Variants in ATXN10 observed in about 807,000 individuals in gnomAD.
The protein encoded by ATXN10 is ataxin 10, also known as ataxin-10.
ATXN10 carries 28 observed loss-of-function variants against 52.9 expected under a neutral mutation model. That is an observed-to-expected ratio of 0.53 (90% CI 0.39 to 0.73). The LOEUF is 0.73. ATXN10 is among the 30% of genes least tolerant of loss of function. The probability of loss-of-function intolerance (pLI) is 0.00; values close to 1 mark genes in which losing one functional copy is unlikely to be tolerated. For missense variants in ATXN10, 565 were observed against 577.0 expected, an observed-to-expected ratio of 0.98 and a Z score of 0.21; for synonymous variants, 226 against 221.5, an observed-to-expected ratio of 1.02 and a Z score of -0.18.
In ATXN10 at chr22:45,672,031, C is replaced by G. The variant is rs1234095193; in HGVS notation, c.-33C>G. On this transcript the variant is annotated 5_prime_UTR_variant, in exon 1 of 12. Coordinates refer to ENST00000252934, the MANE Select transcript of ATXN10 (RefSeq NM_013236.4). The stretch of plus-strand genomic sequence containing the variant: ...CTTCGTCCTCCTCGCCTTCCTCCTC[C>G]TCGTCAGGCTCGACCCAGCTGTGAG... 3 of 1,530,956 alleles carry G rather than the reference C, an allele frequency of 2.0e-6. No individual in the cohort carries two copies. The South Asian group carries it at 3.6e-5, about 18-fold the overall frequency. 94.8% of individuals were successfully genotyped at this position (1,530,956 alleles called of 1,614,324 possible).
At chr22:45,721,995 G>A (rs148749185) in intron 6 of ATXN10, among the ~76,000 whole-genome samples, 6 of 152,294 alleles carry the variant, frequency 3.9e-5, no homozygotes, top group African/African-American at 9.6e-5. Context: ...TTAATCAGGG[G>A]AGAATTAGAA....
In ATXN10 at chr22:45,702,691, C is replaced by T; in HGVS notation, c.491C>T (p.Ser164Phe). The T allele has an allele frequency of 6.2e-7, 1 of 1,613,818 alleles. No homozygotes were observed. The change falls in exon 5 of 12, where the codon TCT (serine) becomes TTT (phenylalanine). Residue 164 changes from serine (S) to phenylalanine (F), a missense_variant and splice_region_variant. Physicochemically the swap from Ser to Phe is radical, Grantham distance 155 (BLOSUM62 -2). Transcript: ENST00000252934. ...AATCTCATTTCCTTGTTTGGAAGGT[C>T]TTGCTTAAATCATCCGGACAAAAAA... ...WVHAFPELFL[S>F]CLNHPDKKIV...
At chr22:45,680,406 AC>A (rs1238275064) in intron 1 of ATXN10, among the ~76,000 whole-genome samples, 1 of 152,140 alleles carries the variant, frequency 6.6e-6, no homozygotes, top group Non-Finnish European at 1.5e-5. Context: ...TCCCAAATTG[AC>A]CTGTGGATTC....
rs898136042 is a variant in ATXN10 at position 45,840,881 on chromosome 22, T to A, written c.1238-2110T>A. On this transcript the variant is annotated intron_variant, in intron 10 of 11. Coordinates refer to ENST00000252934, the MANE Select transcript of ATXN10 (RefSeq NM_013236.4). The surrounding 1 kb of genome is among the most constrained non-coding windows in gnomAD (Gnocchi z 5.8). ...GAGAGTTATACTCATGAACAAAAAT[T>A]CCCCAGTCTTACATTTCTTGCTCCT... Among the ~76,000 whole-genome samples the A allele has an allele frequency of 2.0e-5, 3 of 152,208 alleles. No individual in the cohort carries two copies. The highest frequency in any genetic ancestry group is 4.4e-5 in the Non-Finnish European group (3 of 68,032).
rs1175270680 is a variant in ATXN10 at position 45,835,258 on chromosome 22, C to T, written c.1238-7733C>T. Among the ~76,000 whole-genome samples, 2 of 152,162 alleles carry T rather than the reference C, an allele frequency of 1.3e-5. No homozygotes were observed. The highest frequency in any genetic ancestry group is 2.9e-5 in the Non-Finnish European group (2 of 68,036). On this transcript the variant is annotated intron_variant, in intron 10 of 11. Transcript: ENST00000252934. This position sits in a 1 kb window ranked among gnomAD's most constrained non-coding sequence, Gnocchi z 5.0. ...TTTGCCTGGCGTGGGCTCATGGGTC[C>T]TGCTTTGCCTGGCGCGGGCGCTTGA...
At chr22:45,813,920 A>G (rs967111735) in intron 10 of ATXN10, among the ~76,000 whole-genome samples, 1 of 152,228 alleles carries the variant, frequency 6.6e-6, no homozygotes, top group African/African-American at 2.4e-5. Flanking sequence ...AAACAGATTC[A>G]CCCACAGTCA....
chr22:45,697,832 G>A (rs1029048943), intron 3 of ATXN10, among the ~76,000 whole-genome samples: 5 of 151,740 alleles, frequency 3.3e-5, no homozygotes, highest in South Asian at 2.1e-4. Flanking sequence ...GGGTTTCACC[G>A]TGTTAGCCAG....
Position 45,795,100 on chromosome 22 carries a change from G to A in ATXN10, c.1174-11859G>A, listed in dbSNP as rs376786902. The stretch of plus-strand genomic sequence containing the variant: ...GTATGGTATTATTTGTAGATAGACT[G>A]CAACAAGGTAAAGATGTATACTCTA... On this transcript the variant is annotated intron_variant, in intron 9 of 11. Transcript: ENST00000252934. This position sits in a 1 kb window ranked among gnomAD's most constrained non-coding sequence, Gnocchi z 4.6. 7.2e-5 allele frequency among the ~76,000 whole-genome samples: 11 copies of A among 152,190 alleles called. No homozygotes were observed. The South Asian group carries it at 1.9e-3, about 26-fold the overall frequency.
intron 9 of ATXN10, among the ~76,000 whole-genome samples, chr22:45,753,377 C>CTTTTTTTTTTTTTTTTTTTTT (rs71190680): frequency 1.7e-5 from 1 of 57,814 alleles, no homozygotes; most frequent in Non-Finnish European, 3.2e-5. Context: ...CTCTTACCAG[C>CTTTTTTTTTTTTTTTTTTTTT]TTTTTTTTTT....
Position 45,843,858 on chromosome 22 carries a change from T to G in ATXN10, c.*187T>G, listed in dbSNP as rs1308793014. 1 of 632,924 alleles carries G rather than the reference T, an allele frequency of 1.6e-6. No homozygotes were observed. The highest frequency in any genetic ancestry group is 1.8e-5 in the African/African-American group (1 of 54,564). 39.2% of individuals were successfully genotyped at this position (632,924 alleles called of 1,614,324 possible). A position where few individuals can be genotyped will look rare whatever the true frequency, so the allele number is the denominator to read the frequency against. ...AAGTAACTGAGTGTTCTCTTGTTTCTTTGCATTAATGTAACTGTGTGGTTT... is the reference window on the plus strand; with the variant it reads ...AAGTAACTGAGTGTTCTCTTGTTTCGTTGCATTAATGTAACTGTGTGGTTT... On this transcript the variant is annotated 3_prime_UTR_variant, in exon 12 of 12. Coordinates refer to ENST00000252934, the MANE Select transcript of ATXN10 (RefSeq NM_013236.4). The surrounding 1 kb of genome is among the most constrained non-coding windows in gnomAD (Gnocchi z 4.5).
rs67459281 is a variant in ATXN10, at chr22:45,740,739, C to CGTGTGT, written c.1173+212_1173+217dup. The CGTGTGT allele has an allele frequency of 3.3e-4, 109 of 330,824 alleles. 1 individual carries two copies. The highest frequency in any genetic ancestry group is 2.1e-3 in the African/African-American group (86 of 41,892). The allele number at this position is 330,824 out of a possible 1,614,324, so 20.5% of individuals were successfully genotyped here. A position where few individuals can be genotyped will look rare whatever the true frequency, so the allele number is the denominator to read the frequency against. The stretch of plus-strand genomic sequence containing the variant: ...ACACACATATATATACACACACACA[C>CGTGTGT]GTGTGTGTGTGTGTGTATATATATA... On this transcript the variant is annotated intron_variant, in intron 9 of 11. Coordinates refer to ENST00000252934, the MANE Select transcript of ATXN10 (RefSeq NM_013236.4).
At position 45,835,118 on chromosome 22, in the gene ATXN10, T is replaced by C. The variant is rs1045687426; in HGVS notation, c.1238-7873T>C. Among the ~76,000 whole-genome samples the C allele has an allele frequency of 1.9e-4, 29 of 152,286 alleles. 1 individual carries two copies. The highest frequency in any genetic ancestry group is 6.0e-4 in the African/African-American group (25 of 41,568). On this transcript the variant is annotated intron_variant, in intron 10 of 11. Transcript: ENST00000252934. The surrounding 1 kb of genome is among the most constrained non-coding windows in gnomAD (Gnocchi z 5.0). ...TCCTTCACCGCCAAAACCCCGTGAA[T>C]GTGAGGTACCTGTGAGCGCGGCCCT...
rs1339770212 is a variant in ATXN10 at position 45,727,524 on chromosome 22, G to A, written c.729-1901G>A. ...AGGCCCCTGCCACCACGGCTGGCTA[G>A]TTGTTTTTGTATTTTTAGTAGAGAT... On this transcript the variant is annotated intron_variant, in intron 6 of 11. Coordinates refer to ENST00000252934, the MANE Select transcript of ATXN10 (RefSeq NM_013236.4). This position sits in a 1 kb window ranked among gnomAD's most constrained non-coding sequence, Gnocchi z 4.6. Among the ~76,000 whole-genome samples, 1 of 151,898 alleles carries A rather than the reference G, an allele frequency of 6.6e-6. No individual in the cohort carries two copies. The highest frequency in any genetic ancestry group is 1.5e-5 in the Non-Finnish European group (1 of 67,968).
chr22:45,797,258 G>T (rs911302656), intron 9 of ATXN10, among the ~76,000 whole-genome samples: 1 of 152,178 alleles, frequency 6.6e-6, no homozygotes, highest in Admixed American at 6.5e-5. Flanking sequence ...ACCAATAACA[G>T]CATGTATGTT....
At position 45,769,579 on chromosome 22, in the gene ATXN10, A is replaced by G. The variant is rs34593000; in HGVS notation, c.1173+29041A>G. On this transcript the variant is annotated intron_variant, in intron 9 of 11. Coordinates refer to ENST00000252934, the MANE Select transcript of ATXN10 (RefSeq NM_013236.4). This position sits in a 1 kb window ranked among gnomAD's most constrained non-coding sequence, Gnocchi z 4.2. Reference sequence around the variant, plus strand: ...AGGAATGAATTACACCAGCAGAGGTACAGAGGAAGAAAGGTAAAGGGTCAG... The same window carrying G: ...AGGAATGAATTACACCAGCAGAGGTGCAGAGGAAGAAAGGTAAAGGGTCAG... Among the ~76,000 whole-genome samples the G allele has an allele frequency of 0.012, 1,753 of 152,298 alleles. 24 individuals carry two copies. Among genetic ancestry groups the G allele is most frequent in the South Asian group, 0.051 (246 of 4,828 alleles).
chr22:45,745,663 C>T (rs1318913254), intron 9 of ATXN10, among the ~76,000 whole-genome samples: 1 of 152,204 alleles, frequency 6.6e-6, no homozygotes, highest in Non-Finnish European at 1.5e-5. Flanking sequence ...CTTTGTAATA[C>T]ATTTTTCGTT....
chr22:45,728,746 A>G lies in ATXN10; in HGVS notation c.729-679A>G, dbSNP rs1419306654. Among the ~76,000 whole-genome samples the G allele has an allele frequency of 1.3e-5, 2 of 152,246 alleles. No individual in the cohort carries two copies. The highest frequency in any genetic ancestry group is 3.8e-4 in the East Asian group (2 of 5,198). On this transcript the variant is annotated intron_variant, in intron 6 of 11. Coordinates refer to ENST00000252934, the MANE Select transcript of ATXN10 (RefSeq NM_013236.4). The surrounding 1 kb of genome is among the most constrained non-coding windows in gnomAD (Gnocchi z 4.3). The stretch of plus-strand genomic sequence containing the variant: ...TAGGAGAAGGAAAGAGATGGTTGAA[A>G]AGAAATATTTATTTGGTAACTTATA...
rs1395524672 is a variant in ATXN10, at chr22:45,712,137, G to A, written c.648-6276G>A. Among the ~76,000 whole-genome samples the A allele has an allele frequency of 6.6e-6, 1 of 152,150 alleles. No individual in the cohort carries two copies. The highest frequency in any genetic ancestry group is 1.5e-5 in the Non-Finnish European group (1 of 68,032). On this transcript the variant is annotated intron_variant, in intron 5 of 11. Coordinates refer to ENST00000252934, the MANE Select transcript of ATXN10 (RefSeq NM_013236.4). This position sits in a 1 kb window ranked among gnomAD's most constrained non-coding sequence, Gnocchi z 4.6. ...TTTTGGGTCACATTGTCATCCCTGGGGCAGTGCTGTTTGTTAGGGTGTGCA... is the reference window on the plus strand; with the variant it reads ...TTTTGGGTCACATTGTCATCCCTGGAGCAGTGCTGTTTGTTAGGGTGTGCA...
chr22:45,802,279 T>C (rs926315344), intron 9 of ATXN10, among the ~76,000 whole-genome samples: 1 of 152,212 alleles, frequency 6.6e-6, no homozygotes, highest in African/African-American at 2.4e-5. Flanking sequence ...ATTACGGGCC[T>C]ACAATCAACT....
Sources: allele counts gnomAD v4.1 joint callset (sites outside exome capture counted in the v4.1 genomes callset), GRCh38; gene constraint gnomAD v4.1.1; non-coding constraint Gnocchi (gnomAD v3.1); transcripts MANE v1.5; gene names NCBI Gene and HGNC (gene_info 2026-07-23, HGNC 2026-07-21).